PPM1F: variants seen among roughly 807,000 people sequenced by gnomAD.
PPM1F encodes the protein protein phosphatase, Mg2+/Mn2+ dependent 1F.
A neutral mutation model predicts 35.5 loss-of-function variants in PPM1F; 17 were observed. The ratio of observed to expected loss-of-function variants is 0.48; its 90% CI spans 0.33 to 0.72. The LOEUF is 0.72. PPM1F is among the 30% of genes least tolerant of loss of function. The pLI, the probability that PPM1F is intolerant of heterozygous loss-of-function variation, is 0.02. For synonymous variants in PPM1F, 241 were observed against 255.5 expected (o/e 0.94, Z 0.54); for missense variants, 521 against 613.0 (o/e 0.85, Z 1.59).
chr22:21,938,118 T>C, intron 3 of PPM1F: 1 of 1,299,718 alleles, frequency 7.7e-7, no homozygotes, highest in Non-Finnish European at 1.0e-6. Context: ...GACTTCCTTC[T>C]AGCTGCGCCC....
At chr22:21,932,001 A>T (rs995244336) in intron 5 of PPM1F, among the ~76,000 whole-genome samples, 11 of 151,624 alleles carry the variant, frequency 7.3e-5, no homozygotes, top group Admixed American at 3.9e-4. Flanking sequence ...AATTTTTAGT[A>T]GAGGCAGGGT....
Position 21,934,008 on chromosome 22 carries a change from G to A in PPM1F, c.558+16C>T. On this transcript the variant is annotated intron_variant, in intron 4 of 7. Transcript: ENST00000263212. ...TCCTCCGAAGCTGTCCCCAGGGTCT[G>A]GACGGGAGCACTCACAGACAAGCCG... 6.5e-7 allele frequency: 1 copy of A among 1,540,612 alleles called. No homozygotes were observed.
At chr22:21,941,963 G>C (rs368799753) in intron 2 of PPM1F, 1 of 152,392 alleles carries the variant, frequency 6.6e-6, no homozygotes. Flanking sequence ...GGCAGAAGGG[G>C]TCGCTCCCTC....
At chr22:21,951,682 C>T (rs1170167333) in intron 1 of PPM1F, 1 of 152,152 alleles carries the variant, frequency 6.6e-6, no homozygotes, top group Non-Finnish European at 1.5e-5. Flanking sequence ...CACAAATGAA[C>T]TTGTGTAGAG....
chr22:21,927,036 G>A (rs1380237135), intron 6 of PPM1F, among the ~76,000 whole-genome samples: 1 of 152,196 alleles, frequency 6.6e-6, no homozygotes, highest in Non-Finnish European at 1.5e-5. Flanking sequence ...GCCTGTGTGG[G>A]AACTGGACCA....
At chr22:21,934,498 A>C in intron 3 of PPM1F, 1 of 450,092 alleles carries the variant, frequency 2.2e-6, no homozygotes, top group Non-Finnish European at 4.0e-6. Flanking sequence ...GAAACACAAA[A>C]ATAATTTTAA....
intron 6 of PPM1F, among the ~76,000 whole-genome samples, chr22:21,928,282 T>G (rs1601779493): frequency 6.6e-6 from 1 of 152,312 alleles, no homozygotes; most frequent in Non-Finnish European, 1.5e-5. Flanking sequence ...GCCATCCTCC[T>G]GGATGCCCAA....
At position 21,939,357 on chromosome 22, in the gene PPM1F, G is replaced by A. The variant is rs958231559; in HGVS notation, c.355+175C>T. ...ATATGACCTGTGGAGGGCTGTGACC[G>A]CCACCCTCCACCTCACTGGGGCCGC... On this transcript the variant is annotated intron_variant, in intron 3 of 7. Transcript: ENST00000263212. The surrounding 1 kb of genome is among the most constrained non-coding windows in gnomAD (Gnocchi z 5.1). 17 of 821,910 alleles carry A rather than the reference G, an allele frequency of 2.1e-5. No individual in the cohort carries two copies. Among genetic ancestry groups the A allele is most frequent in the Middle Eastern group, 7.3e-4 (2 of 2,742 alleles). 50.9% of individuals were successfully genotyped at this position (821,910 alleles called of 1,614,324 possible).
At chr22:21,933,951 CG>C (rs2070626788) in intron 4 of PPM1F, 72 bp downstream of exon 4, 1 of 1,411,272 alleles carries the variant, frequency 7.1e-7, no homozygotes, top group African/African-American at 1.4e-5. Flanking sequence ...CAGCTCTTCT[CG>C]GTACCTGGGG....
rs552638029 is a variant in PPM1F, at chr22:21,923,444, G to A, written c.1013C>T (p.Ser338Phe). ...IGDVFQKPYV[S>F]GEADAASRAL... is the part of the protein sequence containing the mutation. The stretch of plus-strand genomic sequence containing the variant: ...CCGGGAAGCTGCATCGGCCTCCCCA[G>A]ACACGTAGGGCTTCTGGAAGACATC... The change falls in exon 8 of 8, where the codon TCT becomes TTT. Residue 338 changes from serine to phenylalanine, a missense_variant. Physicochemically the swap from Ser to Phe is radical, Grantham distance 155 (BLOSUM62 -2). Transcript: ENST00000263212. The A allele has an allele frequency of 2.5e-6, 4 of 1,608,468 alleles. No individual in the cohort carries two copies. In the African/African-American group the frequency reaches 5.3e-5, roughly 21 times the overall value.
intron 2 of PPM1F, chr22:21,945,167 T>C (rs1198345468): frequency 6.6e-6 from 1 of 152,262 alleles, no homozygotes; most frequent in Non-Finnish European, 1.5e-5. Context: ...ATGATCTTAT[T>C]TGGAGTTAAA....
intron 1 of PPM1F, chr22:21,946,854 G>C (rs1159700890): frequency 6.6e-6 from 1 of 152,324 alleles, no homozygotes; most frequent in East Asian, 1.9e-4. Flanking sequence ...GACAGTTCCA[G>C]GCGCTGACCC....
chr22:21,938,226 C>T lies in PPM1F; in HGVS notation c.355+1306G>A, dbSNP rs554359772. The T allele has an allele frequency of 2.7e-4, 358 of 1,302,996 alleles. No individual in the cohort carries two copies. The African/African-American group carries it at 3.4e-3, about 12-fold the overall frequency. 80.7% of individuals were successfully genotyped at this position (1,302,996 alleles called of 1,614,324 possible). ...CACCGGCAGGTGGCGCTGTCTCCCG[C>T]GTGGACGGACAGAGACCCATCAGGC... On this transcript the variant is annotated intron_variant, in intron 3 of 7. Transcript: ENST00000263212.
At chr22:21,949,113 T>G (rs1156318380) in intron 1 of PPM1F, 3 of 152,526 alleles carry the variant, frequency 2.0e-5, no homozygotes, top group Admixed American at 6.5e-5. Context: ...GTCTGTGCCA[T>G]GTGTACTAAG....
At chr22:21,930,336 C>A (rs1012052131) in intron 6 of PPM1F, among the ~76,000 whole-genome samples, 1 of 152,174 alleles carries the variant, frequency 6.6e-6, no homozygotes, top group Non-Finnish European at 1.5e-5. Context: ...CCTAGCCATC[C>A]CACTTCTGGG....
chr22:21,945,631 C>G (rs2070768951), intron 2 of PPM1F: 1 of 547,588 alleles, frequency 1.8e-6, no homozygotes, highest in African/African-American at 2.0e-5. Flanking sequence ...GGCCTCCAGC[C>G]CTGTGAAAGA....
Position 21,923,313 on chromosome 22 carries a change from G to T in PPM1F, c.1144C>A (p.Gln382Lys). Reference sequence around the variant, plus strand: ...GCGACACGGAGCCCGCTGCCCTGCTGCCTGGTCAGGTGGCTCTGGACCAGG... The same window carrying T: ...GCGACACGGAGCCCGCTGCCCTGCTTCCTGGTCAGGTGGCTCTGGACCAGG... Reference protein sequence around the residue: ...VGLVQSHLTRQQGSGLRVAEE... With the variant: ...VGLVQSHLTRKQGSGLRVAEE... Residue 382 changes from glutamine to lysine, a missense_variant, in exon 8 of 8, where the codon CAG becomes AAG. Physicochemically the swap from Gln to Lys is moderately conservative, Grantham distance 53 (BLOSUM62 1). Coordinates refer to ENST00000263212, the MANE Select transcript of PPM1F (RefSeq NM_014634.4). 1 of 1,613,606 alleles carries T rather than the reference G, an allele frequency of 6.2e-7. No homozygotes were observed. Among genetic ancestry groups the T allele is most frequent in the East Asian group, 2.2e-5 (1 of 44,880 alleles).
rs773922171 is a variant in PPM1F, at chr22:21,931,143, C to T, written c.891+5G>A. ...TCCTGGGCCTGGGCGCAGGGATCCC[C>T]TTACCTGCCGTTCTGGTCTGTGTGG... On this transcript the variant is annotated splice_donor_5th_base_variant and intron_variant, in intron 6 of 7. Transcript: ENST00000263212. 6.2e-7 allele frequency: 1 copy of T among 1,614,052 alleles called. No homozygotes were observed. The highest frequency in any genetic ancestry group is 8.5e-7 in the Non-Finnish European group (1 of 1,179,938).
intron 3 of PPM1F, chr22:21,936,870 T>G (rs2145800380): frequency 6.6e-6 from 1 of 152,378 alleles, no homozygotes; most frequent in East Asian, 1.9e-4. Context: ...AATAAATGTC[T>G]GTTGTTTTAA....
Sources: gnomAD v4.1 joint callset for allele counts (sites outside exome capture counted in the v4.1 genomes callset) on GRCh38, gnomAD v4.1.1 for gene constraint, Gnocchi (gnomAD v3.1) non-coding constraint, MANE v1.5 for transcripts, NCBI Gene and HGNC (gene_info 2026-07-23, HGNC 2026-07-21) for gene names.